The following PAAF1 variants were observed in gnomAD, a reference collection of about 807,000 sequenced individuals.
PAAF1 encodes the protein proteasomal ATPase-associated factor 1.
PAAF1 carries 46 observed loss-of-function variants against 52.8 expected under a neutral mutation model. That is an observed-to-expected ratio of 0.87 (90% confidence interval 0.69 to 1.11). The LOEUF is 1.11. Among genes scored for constraint, PAAF1 ranks in the 50% most tolerant of loss-of-function variants. PAAF1 has a pLI of 0.00. For missense variants in PAAF1, 424 were observed against 477.4 expected (o/e 0.89, Z 1.04); for synonymous variants, 178 against 172.8 (o/e 1.03, Z -0.24).
upstream of PAAF1, chr11:73,876,839 A>C: frequency 1.7e-6 from 1 of 590,248 alleles, no homozygotes; most frequent in Non-Finnish European, 2.7e-6. Context: ...TCCTCTGTAC[A>C]TCCTTTCAGG....
At chr11:73,884,964 A>G (rs1484896264) in intron 2 of PAAF1, among the ~76,000 whole-genome samples, 3 of 146,782 alleles carry the variant, frequency 2.0e-5, no homozygotes, top group Non-Finnish European at 4.5e-5. Context: ...GGTTCACGCC[A>G]TTCTCCTGCC....
intron 10 of PAAF1, 134 bp from the exon 11 acceptor site, chr11:73,924,481 A>T (rs569554849): frequency 1.8e-5 from 13 of 703,832 alleles, no homozygotes; most frequent in Middle Eastern, 4.0e-4. Context: ...ACGTAATAAG[A>T]TCTATTTGCC....
At chr11:73,918,352 A>ATTTTTTTTCTTTT (rs1950123260) in intron 9 of PAAF1, among the ~76,000 whole-genome samples, 1 of 71,666 alleles carries the variant, frequency 1.4e-5, no homozygotes. Flanking sequence ...CAGTTACTTA[A>ATTTTTTTTCTTTT]TTTTTTTTTT....
At chr11:73,890,829 G>A (rs1949178160) in intron 3 of PAAF1, among the ~76,000 whole-genome samples, 2 of 152,098 alleles carry the variant, frequency 1.3e-5, no homozygotes, top group Admixed American at 1.3e-4. Context: ...ATGCTTATTG[G>A]TTGTATCATA....
Position 73,898,290 on chromosome 11 carries a change from C to T in PAAF1, c.283-856C>T, listed in dbSNP as rs191175052. ...AGAGGAATAGCTGAACTCTTGAATC[C>T]TCCTGGTGCATCTTAGAACATTATC... On this transcript the variant is annotated intron_variant, in intron 4 of 11. Coordinates refer to ENST00000310571, the MANE Select transcript of PAAF1 (RefSeq NM_025155.3). Among the ~76,000 whole-genome samples the T allele has an allele frequency of 2.8e-4, 43 of 152,094 alleles. No individual in the cohort carries two copies. The East Asian group carries it at 8.3e-3, about 29-fold the overall frequency.
At chr11:73,889,799 G>A (rs879939515) in intron 3 of PAAF1, among the ~76,000 whole-genome samples, 4 of 152,180 alleles carry the variant, frequency 2.6e-5, no homozygotes, top group Non-Finnish European at 5.9e-5. Flanking sequence ...CACTCTTGCA[G>A]CTATATGGGC....
intron 1 of PAAF1, chr11:73,877,338 G>A: frequency 3.0e-6 from 1 of 329,368 alleles, no homozygotes; most frequent in Non-Finnish European, 5.5e-6. Flanking sequence ...ATACTGGGAG[G>A]CAGGAAGGCT....
Position 73,897,029 on chromosome 11 carries a change from C to T in PAAF1, c.283-2117C>T, listed in dbSNP as rs1428066762. On this transcript the variant is annotated intron_variant, in intron 4 of 11. Coordinates refer to ENST00000310571, the MANE Select transcript of PAAF1 (RefSeq NM_025155.3). Reference sequence around the variant, plus strand: ...CGGGGCGGCTGGCCGGGCAGAGGGGCTCCTCACTTCCCAGTAGGGGCGGCC... The same window carrying T: ...CGGGGCGGCTGGCCGGGCAGAGGGGTTCCTCACTTCCCAGTAGGGGCGGCC... Among the ~76,000 whole-genome samples, 3 of 139,756 alleles carry T rather than the reference C, an allele frequency of 2.1e-5. No individual in the cohort carries two copies. In the East Asian group the frequency reaches 6.5e-4, roughly 30 times the overall value. 91.7% of individuals were successfully genotyped at this position (139,756 alleles called of 152,430 possible).
rs546391425 is a variant in PAAF1, at chr11:73,925,287, G to T, written c.1101+590G>T. Among the ~76,000 whole-genome samples, 4 of 151,432 alleles carry T rather than the reference G, an allele frequency of 2.6e-5. No individual in the cohort carries two copies. In the South Asian group the frequency reaches 8.3e-4, roughly 32 times the overall value. ...GCCTAGGCAATAAGATGAGACCCCC[G>T]TCTCTACAAAAAATACAGAAAAATT... On this transcript the variant is annotated intron_variant, in intron 11 of 11. Coordinates refer to ENST00000310571, the MANE Select transcript of PAAF1 (RefSeq NM_025155.3).
At chr11:73,920,269 C>CCTATA (rs1216752749) in intron 10 of PAAF1, among the ~76,000 whole-genome samples, 2 of 152,078 alleles carry the variant, frequency 1.3e-5, no homozygotes, top group Non-Finnish European at 2.9e-5. Context: ...CACAGTGGCT[C>CCTATA]ATGCCTATAA....
intron 6 of PAAF1, among the ~76,000 whole-genome samples, chr11:73,908,235 G>GTA (rs1334785196): frequency 1.4e-5 from 2 of 147,936 alleles, no homozygotes; most frequent in Admixed American, 6.8e-5. Flanking sequence ...ATATATGTGT[G>GTA]TATATATATG....
intron 4 of PAAF1, among the ~76,000 whole-genome samples, chr11:73,892,419 T>TA (rs1263378831): frequency 6.6e-6 from 1 of 151,898 alleles, no homozygotes; most frequent in East Asian, 1.9e-4. Flanking sequence ...TTAGGACATG[T>TA]AAAAAAAGGA....
At position 73,897,976 on chromosome 11, in the gene PAAF1, C is replaced by G. The variant is rs574444121; in HGVS notation, c.283-1170C>G. ...CTGGCGGATCACTCATGGTTAGGAG[C>G]TGCAGACCAGCCCAGCCAACACAGC... is the stretch of plus-strand genomic sequence containing the variant. On this transcript the variant is annotated intron_variant, in intron 4 of 11. Coordinates refer to ENST00000310571, the MANE Select transcript of PAAF1 (RefSeq NM_025155.3). 1.3e-3 allele frequency among the ~76,000 whole-genome samples: 193 copies of G among 152,278 alleles called. 1 individual carries two copies. The highest frequency in any genetic ancestry group is 4.4e-3 in the African/African-American group (184 of 41,560).
intron 7 of PAAF1, 86 bp from the exon 8 acceptor site, chr11:73,914,327 A>T: frequency 9.3e-7 from 1 of 1,072,954 alleles, no homozygotes; most frequent in Non-Finnish European, 1.4e-6. Context: ...TAACAAAATC[A>T]GTAATCAACC....
At chr11:73,901,870 CTTTT>C (rs35218096) in intron 6 of PAAF1, among the ~76,000 whole-genome samples, 4 of 128,218 alleles carry the variant, frequency 3.1e-5, no homozygotes, top group African/African-American at 5.9e-5. Context: ...TGCGCCTTGC[CTTTT>C]TTTTTTTTTT....
chr11:73,901,906 C>G (rs899777124), intron 6 of PAAF1, among the ~76,000 whole-genome samples: 1 of 140,172 alleles, frequency 7.1e-6, no homozygotes, highest in Non-Finnish European at 1.5e-5. Flanking sequence ...GCTTGTTGCC[C>G]AGTCTGGAGT....
chr11:73,912,560 C>T (rs1262886787), intron 7 of PAAF1, among the ~76,000 whole-genome samples: 1 of 152,138 alleles, frequency 6.6e-6, no homozygotes, highest in African/African-American at 2.4e-5. Context: ...CTGGTCCAAA[C>T]TATCATCATC....
chr11:73,876,758 G>A, upstream of PAAF1: 1 of 348,598 alleles, frequency 2.9e-6, no homozygotes. Flanking sequence ...GATGCTCACC[G>A]AACAGGTGGG....
In PAAF1 at chr11:73,887,266, T is replaced by C; in HGVS notation, c.89-88T>C. The C allele has an allele frequency of 5.4e-6, 5 of 929,220 alleles. No individual in the cohort carries two copies. In the South Asian group the frequency reaches 6.7e-5, roughly 12 times the overall value. The allele number at this position is 929,220 out of a possible 1,614,324, so 57.6% of individuals were successfully genotyped here. A position where few individuals can be genotyped will look rare whatever the true frequency, so the allele number is the denominator to read the frequency against. ...GTGGGCCAATTTCATGGGTATACTATTTATACAGATGCCTGAATTGGGTCT... is the reference window on the plus strand; with the variant it reads ...GTGGGCCAATTTCATGGGTATACTACTTATACAGATGCCTGAATTGGGTCT... On this transcript the variant is annotated intron_variant, in intron 2 of 11. Transcript: ENST00000310571.
Sources: gnomAD v4.1 joint callset for allele counts (sites outside exome capture counted in the v4.1 genomes callset) on GRCh38, gnomAD v4.1.1 for gene constraint, MANE v1.5 for transcripts, NCBI Gene and HGNC (gene_info 2026-07-23, HGNC 2026-07-21) for gene names.